The following RIPPLY3 variants were observed in gnomAD, a reference collection of about 807,000 sequenced individuals.
RIPPLY3 encodes the protein protein ripply3.
A neutral mutation model predicts 11.9 loss-of-function variants in RIPPLY3; 8 were observed. The ratio of observed to expected loss-of-function variants is 0.67; its 90% CI spans 0.40 to 1.21. The LOEUF is 1.21. RIPPLY3 is among the 50% of genes most tolerant of loss of function. The pLI, the probability that RIPPLY3 is intolerant of heterozygous loss-of-function variation, is 0.01. For missense variants in RIPPLY3, 271 were observed against 246.0 expected, an observed-to-expected ratio of 1.10 and a Z score of -0.68; for synonymous variants, 102 against 99.0, an observed-to-expected ratio of 1.03 and a Z score of -0.18.
chr21:37,008,512 C>T (rs2069488883), intron 2 of RIPPLY3, among the ~76,000 whole-genome samples: 3 of 152,090 alleles, frequency 2.0e-5, no homozygotes, highest in Admixed American at 1.3e-4. Flanking sequence ...AATCTCAGCA[C>T]TTTGGGAGGC....
chr21:37,009,232 T>C (rs1026785690), intron 2 of RIPPLY3, among the ~76,000 whole-genome samples: 1 of 133,610 alleles, frequency 7.5e-6, no homozygotes, highest in Non-Finnish European at 1.6e-5. Context: ...GACTTTTACT[T>C]AATTTTTTTT....
chr21:37,012,251 ATTT>A (rs1166279278), intron 2 of RIPPLY3, among the ~76,000 whole-genome samples: 103 of 133,222 alleles, frequency 7.7e-4, no homozygotes, highest in African/African-American at 2.1e-3. Context: ...TATTATTATT[ATTT>A]TTGAGACGGA....
intron 3 of RIPPLY3, among the ~76,000 whole-genome samples, chr21:37,015,151 T>G (rs1211657393): frequency 6.6e-6 from 1 of 151,980 alleles, no homozygotes; most frequent in African/African-American, 2.4e-5. Flanking sequence ...ATCTGTTTTT[T>G]GTTTTGTTTT....
At chr21:37,009,886 CA>C (rs2069502920) in intron 2 of RIPPLY3, among the ~76,000 whole-genome samples, 1 of 141,826 alleles carries the variant, frequency 7.1e-6, no homozygotes, top group African/African-American at 2.6e-5. Context: ...TAGAGCCCGC[CA>C]ATCCTCACCC....
chr21:37,008,055 C>G (rs2069483195), intron 1 of RIPPLY3, 102 bp from the exon 2 acceptor site: 19 of 1,276,318 alleles, frequency 1.5e-5, no homozygotes, highest in East Asian at 2.4e-5. Flanking sequence ...TCCGGTGCCT[C>G]TTTTTCAGGC....
intron 2 of RIPPLY3, among the ~76,000 whole-genome samples, chr21:37,008,948 G>GC (rs961471573): frequency 2.7e-4 from 41 of 152,098 alleles, no homozygotes; most frequent in African/African-American, 9.6e-4. Flanking sequence ...ATAGGACTGA[G>GC]CCCCATCTGA....
At chr21:37,010,672 G>A (rs2069512533) in intron 2 of RIPPLY3, among the ~76,000 whole-genome samples, 2 of 152,106 alleles carry the variant, frequency 1.3e-5, no homozygotes, top group African/African-American at 4.8e-5. Context: ...CCACTTGCGG[G>A]CACTGTCAGG....
intron 3 of RIPPLY3, among the ~76,000 whole-genome samples, chr21:37,017,109 C>T (rs1005815479): frequency 7.5e-5 from 11 of 147,462 alleles, no homozygotes; most frequent in African/African-American, 2.3e-4. Flanking sequence ...GCTGAGATTG[C>T]GCCACTGCAC....
chr21:37,010,447 C>T (rs772817900), intron 2 of RIPPLY3, among the ~76,000 whole-genome samples: 3 of 151,904 alleles, frequency 2.0e-5, no homozygotes, highest in African/African-American at 4.8e-5. Flanking sequence ...GAGCTGAGAT[C>T]GGGACACTGC....
chr21:37,017,447 G>C (rs2069590499), intron 3 of RIPPLY3, among the ~76,000 whole-genome samples: 1 of 152,130 alleles, frequency 6.6e-6, no homozygotes, highest in South Asian at 2.1e-4. Context: ...AGGGGTTACA[G>C]CATTTCCCAT....
intron 3 of RIPPLY3, among the ~76,000 whole-genome samples, chr21:37,014,555 T>C (rs2069559254): frequency 6.6e-6 from 1 of 152,132 alleles, no homozygotes; most frequent in Non-Finnish European, 1.5e-5. Context: ...TCTGTCTCGC[T>C]CGATCTCCTT....
chr21:37,006,477 G>C (rs1488716642), upstream of RIPPLY3: 9 of 254,404 alleles, frequency 3.5e-5, no homozygotes, highest in Non-Finnish European at 5.9e-5. This position sits in a 1 kb window ranked among gnomAD's most constrained non-coding sequence, Gnocchi z 5.2. Context: ...CTTGACACCC[G>C]GCGCCACCTC....
chr21:37,008,718 A>G (rs954150381), intron 2 of RIPPLY3, among the ~76,000 whole-genome samples: 1 of 139,744 alleles, frequency 7.2e-6, no homozygotes, highest in African/African-American at 2.6e-5. Flanking sequence ...AGATCATGCC[A>G]CTGCACTCCA....
rs2069597663 is a variant in RIPPLY3 at position 37,018,036 on chromosome 21, T to C, written c.402T>C (p.His134=). The C allele has an allele frequency of 1.2e-6, 2 of 1,613,868 alleles. No individual in the cohort carries two copies. Among genetic ancestry groups the C allele is most frequent in the South Asian group, 1.1e-5 (1 of 91,056 alleles). Residue 134 remains histidine, a synonymous_variant, in exon 4 of 4, where the codon CAT becomes CAC. Coordinates refer to ENST00000329553, the MANE Select transcript of RIPPLY3 (RefSeq NM_018962.3). ...CAGAGGAAGGACCCCCACCCCTCCA[T>C]CTTCTGCCCCAGGAGGTGGGAGGTC... ...EEPEEGPPPL[H]LLPQEVGGRQ...
At chr21:37,013,919 A>G (rs1329430411) in intron 3 of RIPPLY3, among the ~76,000 whole-genome samples, 1 of 152,200 alleles carries the variant, frequency 6.6e-6, no homozygotes, top group Non-Finnish European at 1.5e-5. Context: ...ATTGCATGTG[A>G]ATTGTATATG....
Position 37,018,322 on chromosome 21 carries a change from C to G in RIPPLY3, c.*115C>G, listed in dbSNP as rs953685225. ...GAGTGTGCAGAGGCTAGAGGCTTCTCGGGCAGCCCCTGGCCTGCACACTAC... is the reference window on the plus strand; with the variant it reads ...GAGTGTGCAGAGGCTAGAGGCTTCTGGGGCAGCCCCTGGCCTGCACACTAC... On this transcript the variant is annotated 3_prime_UTR_variant, in exon 4 of 4. Transcript: ENST00000329553. The G allele has an allele frequency of 4.8e-6, 4 of 839,598 alleles. No homozygotes were observed. The highest frequency in any genetic ancestry group is 2.3e-4 in the Middle Eastern group (1 of 4,430). 52.0% of individuals were successfully genotyped at this position (839,598 alleles called of 1,614,324 possible).
rs771425017 is a variant in RIPPLY3, at chr21:37,008,209, A to G, written c.157A>G (p.Arg53Gly). Residue 53 changes from arginine (R) to glycine (G), a missense_variant, in exon 2 of 4, where the codon AGA becomes GGA. By Grantham distance (125) the Arg-to-Gly change is moderately radical (BLOSUM62 -2). Coordinates refer to ENST00000329553, the MANE Select transcript of RIPPLY3 (RefSeq NM_018962.3). ...GACACCTGGAGATGCTGAGCTGACC[A>G]GAACTGGAAGGCCGGTAAGGTTCAG... ...IQTPGDAELT[R>G]TGRPLEPRAD... The G allele has an allele frequency of 6.2e-7, 1 of 1,614,176 alleles. No individual in the cohort carries two copies. Among genetic ancestry groups the G allele is most frequent in the South Asian group, 1.1e-5 (1 of 91,084 alleles).
chr21:37,019,303 GA>G lies in RIPPLY3; in HGVS notation c.*1099del, dbSNP rs2069616796. The G allele has an allele frequency of 6.7e-6, 1 of 149,098 alleles. No homozygotes were observed. The highest frequency in any genetic ancestry group is 1.5e-5 in the Non-Finnish European group (1 of 67,500). The allele number at this position is 149,098 out of a possible 1,614,324, so 9.2% of individuals were successfully genotyped here. A position where few individuals can be genotyped will look rare whatever the true frequency, so the allele number is the denominator to read the frequency against. On this transcript the variant is annotated 3_prime_UTR_variant, in exon 4 of 4. Transcript: ENST00000329553. ...AAAAAAAAGAAAGAAAAGAGTAACA[GA>G]AAGATAGGGATTTTTAGGAGACAAT...
At position 37,006,729 on chromosome 21, in the gene RIPPLY3, C is replaced by T; in HGVS notation, c.-44C>T. On this transcript the variant is annotated 5_prime_UTR_variant, in exon 1 of 4. Coordinates refer to ENST00000329553, the MANE Select transcript of RIPPLY3 (RefSeq NM_018962.3). The surrounding 1 kb of genome is among the most constrained non-coding windows in gnomAD (Gnocchi z 5.2). ...TAGCCCGAGTGGATCTAGGCGCGCT[C>T]GTAGGCCGGCGCCGCAGCAAGGGGC... 1 of 1,175,690 alleles carries T rather than the reference C, an allele frequency of 8.5e-7. No individual in the cohort carries two copies. The highest frequency in any genetic ancestry group is 4.1e-5 in the South Asian group (1 of 24,660). 72.8% of individuals were successfully genotyped at this position (1,175,690 alleles called of 1,614,324 possible). A position where few individuals can be genotyped will look rare whatever the true frequency, so the allele number is the denominator to read the frequency against.
Sources: allele counts gnomAD v4.1 joint callset (sites outside exome capture counted in the v4.1 genomes callset), GRCh38; gene constraint gnomAD v4.1.1; non-coding constraint Gnocchi (gnomAD v3.1); transcripts MANE v1.5; gene names NCBI Gene and HGNC (gene_info 2026-07-23, HGNC 2026-07-21).